Variants in AKAP5 observed in about 807,000 individuals in gnomAD.
AKAP5 encodes the protein A-kinase anchor protein 5.
In AKAP5, 5 loss-of-function variants were observed where a neutral mutation model predicts 13.8. The observed-to-expected ratio is 0.36, with a 90% confidence interval of 0.19 to 0.76. The LOEUF (loss-of-function observed/expected upper bound fraction) is 0.76, where lower values mean the gene tolerates loss of function less well. Ranked by LOEUF, AKAP5 falls within the 30% of genes least tolerant of loss-of-function variation. AKAP5 has a pLI of 0.51. For synonymous variants in AKAP5, 148 were observed against 167.2 expected (o/e 0.89, Z 0.89); for missense variants, 406 against 484.4 (o/e 0.84, Z 1.52).
In AKAP5 at chr14:64,473,579, C is replaced by T. The variant is rs1252571033; in HGVS notation, c.*3901C>T. 7.2e-5 allele frequency: 12 copies of T among 167,090 alleles called. No homozygotes were observed. Among genetic ancestry groups the T allele is most frequent in the Admixed American group, 2.6e-4 (4 of 15,288 alleles). 10.4% of individuals were successfully genotyped at this position (167,090 alleles called of 1,614,324 possible). A position where few individuals can be genotyped will look rare whatever the true frequency, so the allele number is the denominator to read the frequency against. On this transcript the variant is annotated 3_prime_UTR_variant, in exon 2 of 2. Transcript: ENST00000394718. ...TCTAACTTCATCCATAAATTTCTAA[C>T]TTCAAGTTACCTTATTTTTTATAGT...
Position 64,468,284 on chromosome 14 carries a change from T to C in AKAP5, c.-111T>C, listed in dbSNP as rs930772298. On this transcript the variant is annotated 5_prime_UTR_variant, in exon 2 of 2. The change abolishes an upstream ATG in the 5' untranslated region. Coordinates refer to ENST00000394718, the MANE Select transcript of AKAP5 (RefSeq NM_004857.3). ...TGGAGTAAGATGAAAGGTATGAATA[T>C]GCCTGGAAGAAATTTTACCTAGTGT... 1.1e-5 allele frequency: 11 copies of C among 1,007,276 alleles called. No individual in the cohort carries two copies. The highest frequency in any genetic ancestry group is 1.6e-5 in the African/African-American group (1 of 60,970). 62.4% of individuals were successfully genotyped at this position (1,007,276 alleles called of 1,614,324 possible).
Position 64,471,384 on chromosome 14 carries a change from C to A in AKAP5, c.*1706C>A, listed in dbSNP as rs147509672. On this transcript the variant is annotated 3_prime_UTR_variant, in exon 2 of 2. Coordinates refer to ENST00000394718, the MANE Select transcript of AKAP5 (RefSeq NM_004857.3). The stretch of plus-strand genomic sequence containing the variant: ...AGCCAGGATGGTCTTGATCTCCTGA[C>A]CTCATGATCCTCCCGCCTCGGCCTC... 0.024 allele frequency: 4,000 copies of A among 166,608 alleles called. 56 individuals are homozygous for A. Among genetic ancestry groups the A allele is most frequent in the Middle Eastern group, 0.054 (16 of 296 alleles). 10.3% of individuals were successfully genotyped at this position (166,608 alleles called of 1,614,324 possible). A position where few individuals can be genotyped will look rare whatever the true frequency, so the allele number is the denominator to read the frequency against.
intron 1 of AKAP5, among the ~76,000 whole-genome samples, chr14:64,466,735 C>T (rs1453346953): frequency 6.6e-6 from 1 of 152,114 alleles, no homozygotes; most frequent in Non-Finnish European, 1.5e-5. Context: ...TTATGGGTTA[C>T]CCAAATGAAA....
chr14:64,469,736 T>C lies in AKAP5; in HGVS notation c.*58T>C. The C allele has an allele frequency of 1.6e-6, 2 of 1,242,212 alleles. No homozygotes were observed. Among genetic ancestry groups the C allele is most frequent in the South Asian group, 3.2e-5 (2 of 63,080 alleles). 76.9% of individuals were successfully genotyped at this position (1,242,212 alleles called of 1,614,324 possible). A position where few individuals can be genotyped will look rare whatever the true frequency, so the allele number is the denominator to read the frequency against. ...GCTTAATGAAGAATTCTTTTATACATTTGTGGCATTTCTTACTCAGTAACA... is the reference window on the plus strand; with the variant it reads ...GCTTAATGAAGAATTCTTTTATACACTTGTGGCATTTCTTACTCAGTAACA... On this transcript the variant is annotated 3_prime_UTR_variant, in exon 2 of 2. Transcript: ENST00000394718.
rs1230992411 is a variant in AKAP5 at position 64,472,180 on chromosome 14, G to A, written c.*2502G>A. 2 of 167,042 alleles carry A rather than the reference G, an allele frequency of 1.2e-5. No homozygotes were observed. The highest frequency in any genetic ancestry group is 1.3e-4 in the Admixed American group (2 of 15,268). The allele number at this position is 167,042 out of a possible 1,614,324, so 10.3% of individuals were successfully genotyped here. ...AAACACTCTTTAACTCACTATATGT[G>A]GTGCTAATGGACTTGGACAGCTACC... is the stretch of plus-strand genomic sequence containing the variant. On this transcript the variant is annotated 3_prime_UTR_variant, in exon 2 of 2. Coordinates refer to ENST00000394718, the MANE Select transcript of AKAP5 (RefSeq NM_004857.3).
rs1345883497 is a variant in AKAP5, at chr14:64,468,929, A to G, written c.535A>G (p.Thr179Ala). The change falls in exon 2 of 2, where the codon ACC becomes GCC. Residue 179 changes from threonine (T) to alanine (A), a missense_variant. Physicochemically the swap from Thr to Ala is moderately conservative, Grantham distance 58. Transcript: ENST00000394718. ...LNDQATKAKS[T>A]QDLSEGISRK... The stretch of plus-strand genomic sequence containing the variant: ...TGATCAGGCAACAAAGGCTAAGTCA[A>G]CCCAGGATCTAAGTGAAGGCATCTC... 6.2e-7 allele frequency: 1 copy of G among 1,614,230 alleles called. No individual in the cohort carries two copies. Among genetic ancestry groups the G allele is most frequent in the South Asian group, 1.1e-5 (1 of 91,086 alleles).
chr14:64,469,199 C>T lies in AKAP5; in HGVS notation c.805C>T (p.Pro269Ser), dbSNP rs768610546. The T allele has an allele frequency of 1.2e-6, 2 of 1,614,088 alleles. No homozygotes were observed. Among genetic ancestry groups the T allele is most frequent in the African/African-American group, 1.3e-5 (1 of 75,032 alleles). Residue 269 changes from proline (P) to serine (S), a missense_variant, in exon 2 of 2, where the codon CCT becomes TCT. Physicochemically the swap from Pro to Ser is moderately conservative, Grantham distance 74 (BLOSUM62 -1). Coordinates refer to ENST00000394718, the MANE Select transcript of AKAP5 (RefSeq NM_004857.3). Reference sequence around the variant, plus strand: ...AGTACTTTCTGATGTTCCTCCTTTACCTGCAATTCCAGATCAACAAATTGT... The same window carrying T: ...AGTACTTTCTGATGTTCCTCCTTTATCTGCAATTCCAGATCAACAAATTGT... ...QPVLSDVPPL[P>S]AIPDQQIVEE...
Position 64,473,308 on chromosome 14 carries a change from A to C in AKAP5, c.*3630A>C, listed in dbSNP as rs1412846365. ...AATAATAAGCATGTGGCATAAATGG[A>C]GTTGTTCAGAAAAGCTGTCTGCATA... is the stretch of plus-strand genomic sequence containing the variant. On this transcript the variant is annotated 3_prime_UTR_variant, in exon 2 of 2. Coordinates refer to ENST00000394718, the MANE Select transcript of AKAP5 (RefSeq NM_004857.3). 6.0e-6 allele frequency: 1 copy of C among 167,094 alleles called. No individual in the cohort carries two copies. 10.4% of individuals were successfully genotyped at this position (167,094 alleles called of 1,614,324 possible).
At position 64,469,440 on chromosome 14, in the gene AKAP5, A is replaced by G; in HGVS notation, c.1046A>G (p.Glu349Gly). The G allele has an allele frequency of 6.2e-7, 1 of 1,613,008 alleles. No individual in the cohort carries two copies. ...ATTATTACAGACACTGAAATCAGTG[A>G]ATTTGATGTTACAAAATCTAAAAAT... ...AIIITDTEIS[E>G]FDVTKSKNVP... is the part of the protein sequence containing the mutation. Residue 349 changes from glutamate (E) to glycine (G), a missense_variant, in exon 2 of 2, where the codon GAA becomes GGA. Physicochemically the swap from Glu to Gly is moderately conservative, Grantham distance 98. Transcript: ENST00000394718.
In AKAP5 at chr14:64,468,368, T is replaced by C. The variant is rs1362311088; in HGVS notation, c.-27T>C. The C allele has an allele frequency of 1.3e-6, 2 of 1,551,926 alleles. No homozygotes were observed. Among genetic ancestry groups the C allele is most frequent in the East Asian group, 2.3e-5 (1 of 44,152 alleles). ...TGCTAAGGAAGAGAGAATACAGTTT[T>C]CTAGAGAATAAGAGTGCAGTGTAAA... is the stretch of plus-strand genomic sequence containing the variant. On this transcript the variant is annotated 5_prime_UTR_variant, in exon 2 of 2. Transcript: ENST00000394718.
Position 64,471,700 on chromosome 14 carries a change from T to G in AKAP5, c.*2022T>G, listed in dbSNP as rs1473237298. 6.2e-6 allele frequency: 1 copy of G among 161,364 alleles called. No homozygotes were observed. Among genetic ancestry groups the G allele is most frequent in the Non-Finnish European group, 1.5e-5 (1 of 64,700 alleles). The allele number at this position is 161,364 out of a possible 1,614,324, so 10.0% of individuals were successfully genotyped here. ...GTAAATTGAGTGATTGTGTTACTACTTGAAACAGATGAAGTAATAAAGATG... is the reference window on the plus strand; with the variant it reads ...GTAAATTGAGTGATTGTGTTACTACGTGAAACAGATGAAGTAATAAAGATG... On this transcript the variant is annotated 3_prime_UTR_variant, in exon 2 of 2. Coordinates refer to ENST00000394718, the MANE Select transcript of AKAP5 (RefSeq NM_004857.3).
In AKAP5 at chr14:64,469,760, C is replaced by G; in HGVS notation, c.*82C>G. ...ATTTGTGGCATTTCTTACTCAGTAA[C>G]AAATGAGAGATTTATCATCTCTAGA... On this transcript the variant is annotated 3_prime_UTR_variant, in exon 2 of 2. Coordinates refer to ENST00000394718, the MANE Select transcript of AKAP5 (RefSeq NM_004857.3). The G allele has an allele frequency of 2.0e-6, 2 of 1,002,994 alleles. No individual in the cohort carries two copies. Among genetic ancestry groups the G allele is most frequent in the Non-Finnish European group, 2.9e-6 (2 of 685,196 alleles). The allele number at this position is 1,002,994 out of a possible 1,614,324, so 62.1% of individuals were successfully genotyped here. A position where few individuals can be genotyped will look rare whatever the true frequency, so the allele number is the denominator to read the frequency against.
rs1318106785 is a variant in AKAP5 at position 64,473,207 on chromosome 14, T to C, written c.*3529T>C. 6.0e-6 allele frequency: 1 copy of C among 167,038 alleles called. No individual in the cohort carries two copies. The highest frequency in any genetic ancestry group is 1.5e-5 in the Non-Finnish European group (1 of 68,100). The allele number at this position is 167,038 out of a possible 1,614,324, so 10.3% of individuals were successfully genotyped here. A position where few individuals can be genotyped will look rare whatever the true frequency, so the allele number is the denominator to read the frequency against. ...GATATAAAAATAGTACCCGGTAACA[T>C]TTAAGTAAAGGTAGCAGAAAACAAA... On this transcript the variant is annotated 3_prime_UTR_variant, in exon 2 of 2. Coordinates refer to ENST00000394718, the MANE Select transcript of AKAP5 (RefSeq NM_004857.3).
rs2078643802 is a variant in AKAP5 at position 64,469,354 on chromosome 14, T to G, written c.960T>G (p.Asn320Lys). 1 of 1,613,780 alleles carries G rather than the reference T, an allele frequency of 6.2e-7. No individual in the cohort carries two copies. The highest frequency in any genetic ancestry group is 1.1e-5 in the South Asian group (1 of 91,018). The stretch of plus-strand genomic sequence containing the variant: ...GCCAAGAATCAGATTTTAAAGAAAA[T>G]GGGATCACTGAAGAGAAATCCAAAT... ...ELSQESDFKE[N>K]GITEEKSKSE... Residue 320 changes from asparagine to lysine, a missense_variant, in exon 2 of 2, where the codon AAT (asparagine) becomes AAG (lysine). Transcript: ENST00000394718.
rs1224117060 is a variant in AKAP5 at position 64,471,662 on chromosome 14, A to T, written c.*1984A>T. On this transcript the variant is annotated 3_prime_UTR_variant, in exon 2 of 2. Transcript: ENST00000394718. Reference sequence around the variant, plus strand: ...TCACAGGTTAGGATTCAAAGTGTGTATTCCCCCATTGTGTAAATTGAGTGA... The same window carrying T: ...TCACAGGTTAGGATTCAAAGTGTGTTTTCCCCCATTGTGTAAATTGAGTGA... The T allele has an allele frequency of 6.0e-6, 1 of 167,054 alleles. No homozygotes were observed. Among genetic ancestry groups the T allele is most frequent in the Non-Finnish European group, 1.5e-5 (1 of 68,122 alleles). The allele number at this position is 167,054 out of a possible 1,614,324, so 10.3% of individuals were successfully genotyped here.
rs2078662806 is a variant in AKAP5, at chr14:64,470,867, A to G, written c.*1189A>G. 6.0e-6 allele frequency: 1 copy of G among 167,024 alleles called. No homozygotes were observed. The highest frequency in any genetic ancestry group is 1.5e-5 in the Non-Finnish European group (1 of 68,128). 10.3% of individuals were successfully genotyped at this position (167,024 alleles called of 1,614,324 possible). A position where few individuals can be genotyped will look rare whatever the true frequency, so the allele number is the denominator to read the frequency against. On this transcript the variant is annotated 3_prime_UTR_variant, in exon 2 of 2. Transcript: ENST00000394718. Reference sequence around the variant, plus strand: ...AGATAATATAGGATTCATCTTGCAGAATTACTTCTTTAAGAGCCATATTCA... The same window carrying G: ...AGATAATATAGGATTCATCTTGCAGGATTACTTCTTTAAGAGCCATATTCA...
rs777293375 is a variant in AKAP5, at chr14:64,468,389, G to A, written c.-6G>A. ...GTTTTCTAGAGAATAAGAGTGCAGT[G>A]TAAAAATGGAAACCACAATTTCAGA... On this transcript the variant is annotated 5_prime_UTR_variant, in exon 2 of 2. Transcript: ENST00000394718. 4 of 1,596,694 alleles carry A rather than the reference G, an allele frequency of 2.5e-6. No individual in the cohort carries two copies. The African/African-American group carries it at 4.1e-5, about 16-fold the overall frequency.
At position 64,473,020 on chromosome 14, in the gene AKAP5, A is replaced by T. The variant is rs943542417; in HGVS notation, c.*3342A>T. ...AATTTTGCAAAGCTGGGGGTTGGGGAGGGGGATTATTAGCTACTTGTTAAC... is the reference window on the plus strand; with the variant it reads ...AATTTTGCAAAGCTGGGGGTTGGGGTGGGGGATTATTAGCTACTTGTTAAC... On this transcript the variant is annotated 3_prime_UTR_variant, in exon 2 of 2. Coordinates refer to ENST00000394718, the MANE Select transcript of AKAP5 (RefSeq NM_004857.3). 3 of 166,724 alleles carry T rather than the reference A, an allele frequency of 1.8e-5. No homozygotes were observed. Among genetic ancestry groups the T allele is most frequent in the Non-Finnish European group, 4.4e-5 (3 of 68,024 alleles). 10.3% of individuals were successfully genotyped at this position (166,724 alleles called of 1,614,324 possible). A position where few individuals can be genotyped will look rare whatever the true frequency, so the allele number is the denominator to read the frequency against.
rs2141006088 is a variant in AKAP5, at chr14:64,471,560, T to C, written c.*1882T>C. On this transcript the variant is annotated 3_prime_UTR_variant, in exon 2 of 2. Transcript: ENST00000394718. ...CATCTGATCTCATCAATGATTGCCA[T>C]ATTTTTTGAAAAAGTAATCCTATTT... 6.0e-6 allele frequency: 1 copy of C among 167,228 alleles called. No individual in the cohort carries two copies. Among genetic ancestry groups the C allele is most frequent in the Admixed American group, 6.5e-5 (1 of 15,310 alleles). 10.4% of individuals were successfully genotyped at this position (167,228 alleles called of 1,614,324 possible).
Sources: gnomAD v4.1 joint callset for allele counts (sites outside exome capture counted in the v4.1 genomes callset) on GRCh38, gnomAD v4.1.1 for gene constraint, MANE v1.5 for transcripts, NCBI Gene and HGNC (gene_info 2026-07-23, HGNC 2026-07-21) for gene names.